PGBD1: variants seen among roughly 807,000 people sequenced by gnomAD.
PGBD1 encodes the protein piggyBac transposable element-derived protein 1.
In PGBD1, 25 loss-of-function variants were observed where a neutral mutation model predicts 34.7. The ratio of observed to expected loss-of-function variants is 0.72; its 90% confidence interval spans 0.52 to 1.00. The LOEUF (loss-of-function observed/expected upper bound fraction) is 1.00. Among genes scored for constraint, PGBD1 ranks in the 50% least tolerant of loss-of-function variants. The pLI, the probability that PGBD1 is intolerant of heterozygous loss-of-function variation, is 0.00. For synonymous variants in PGBD1, 292 were observed against 335.7 expected (o/e 0.87, Z 1.42); for missense variants, 830 against 959.4 (o/e 0.87, Z 1.78).
At chr6:28,284,292 A>C in intron 2 of PGBD1, 83 bp downstream of exon 2, 1 of 1,364,670 alleles carries the variant, frequency 7.3e-7, no homozygotes, top group Non-Finnish European at 9.7e-7. Flanking sequence ...ATTTTGAAAT[A>C]ACTCCTAATT....
rs1395975183 is a variant in PGBD1, at chr6:28,301,349, G to C, written c.1495G>C (p.Glu499Gln). 6.2e-7 allele frequency: 1 copy of C among 1,614,082 alleles called. No homozygotes were observed. The highest frequency in any genetic ancestry group is 1.7e-5 in the Admixed American group (1 of 60,024). ...VRDAIRRDRF[E>Q]LIFSNLHFAD... is the part of the protein sequence containing the mutation. The stretch of plus-strand genomic sequence containing the variant: ...AGATGCAATCAGAAGGGACAGATTT[G>C]AATTGATTTTCTCAAACCTGCACTT... Residue 499 changes from glutamate to glutamine, a missense_variant, in exon 7 of 7, where the codon GAA (glutamate) becomes CAA (glutamine). Glu to Gln is a conservative substitution (Grantham distance 29, BLOSUM62 2). Around this residue, in one of 3 missense-constraint regions of PGBD1, gnomAD observed 372 missense variants for 427.9 expected, o/e 0.87. Transcript: ENST00000682144.
Position 28,283,894 on chromosome 6 carries a change from G to C in PGBD1, c.81G>C (p.Glu27Asp), listed in dbSNP as rs538096910. ...TGAAGGAGGAAGATCCCACCTGGGA[G>C]CAGGTGTGCAACTCACAGGAGGGCA... ...VKVKEEDPTW[E>D]QVCNSQEGSS... Residue 27 changes from glutamate (E) to aspartate (D), a missense_variant, in exon 2 of 7, where the codon GAG becomes GAC. This residue lies in a region of PGBD1 where 457 missense variants were observed against 515.4 expected (regional missense o/e 0.89). Coordinates refer to ENST00000682144, the MANE Select transcript of PGBD1 (RefSeq NM_032507.4). 6.2e-7 allele frequency: 1 copy of C among 1,613,872 alleles called. No homozygotes were observed. Among genetic ancestry groups the C allele is most frequent in the South Asian group, 1.1e-5 (1 of 91,088 alleles).
intron 5 of PGBD1, among the ~76,000 whole-genome samples, 161 bp downstream of exon 5, chr6:28,297,106 C>G (rs972861917): frequency 6.6e-6 from 1 of 152,230 alleles, no homozygotes; most frequent in Non-Finnish European, 1.5e-5. Flanking sequence ...CACTTTGCAT[C>G]CTTCCCAATC....
chr6:28,286,650 G>GTC (rs1185225755), intron 3 of PGBD1, among the ~76,000 whole-genome samples: 2 of 151,840 alleles, frequency 1.3e-5, no homozygotes, highest in South Asian at 2.1e-4. Flanking sequence ...TTATTTTCCT[G>GTC]TCTCTCTCTC....
rs1165922944 is a variant in PGBD1, at chr6:28,300,510, C to T, written c.870-214C>T. Among the ~76,000 whole-genome samples, 1 of 152,154 alleles carries T rather than the reference C, an allele frequency of 6.6e-6. No individual in the cohort carries two copies. Among genetic ancestry groups the T allele is most frequent in the African/African-American group, 2.4e-5 (1 of 41,426 alleles). ...ACTCAGTTATTTCTCCCAGGCTCAA[C>T]AGTTAGTTCCATCCTGAGGAGTGAG... is the stretch of plus-strand genomic sequence containing the variant. On this transcript the variant is annotated intron_variant, in intron 6 of 6. Transcript: ENST00000682144. This position sits in a 1 kb window ranked among gnomAD's most constrained non-coding sequence, Gnocchi z 4.0.
intron 4 of PGBD1, among the ~76,000 whole-genome samples, chr6:28,291,703 A>G (rs1332451289): frequency 2.0e-5 from 3 of 152,214 alleles, no homozygotes; most frequent in South Asian, 2.1e-4. Flanking sequence ...AAAATTCTCA[A>G]TGAAACACTA....
At chr6:28,292,838 A>G (rs1386879523) in intron 4 of PGBD1, among the ~76,000 whole-genome samples, 1 of 152,260 alleles carries the variant, frequency 6.6e-6, no homozygotes, top group Non-Finnish European at 1.5e-5. Context: ...AAAGATTTGT[A>G]TAACACATCT....
chr6:28,293,845 A>C (rs1445668689), intron 4 of PGBD1, among the ~76,000 whole-genome samples: 3 of 152,198 alleles, frequency 2.0e-5, no homozygotes, highest in Non-Finnish European at 4.4e-5. Flanking sequence ...CTGAGACACA[A>C]TAATATTGAA....
At chr6:28,296,985 C>A (rs747548029) in intron 5 of PGBD1, 40 bp downstream of exon 5, 2 of 1,610,576 alleles carry the variant, frequency 1.2e-6, no homozygotes, top group African/African-American at 1.3e-5. Context: ...TCTGGACTCT[C>A]ATTTTCCTGT....
rs367832979 is a variant in PGBD1, at chr6:28,301,366, C to A, written c.1512C>A (p.Asn504Lys). Reference sequence around the variant, plus strand: ...ACAGATTTGAATTGATTTTCTCAAACCTGCACTTTGCAGATAATGGCCACC... The same window carrying A: ...ACAGATTTGAATTGATTTTCTCAAAACTGCACTTTGCAGATAATGGCCACC... ...RRDRFELIFS[N>K]LHFADNGHLD... Residue 504 changes from asparagine to lysine, a missense_variant, in exon 7 of 7, where the codon AAC becomes AAA. Around this residue, in one of 3 missense-constraint regions of PGBD1, gnomAD observed 372 missense variants for 427.9 expected, o/e 0.87. Transcript: ENST00000682144. 6.2e-7 allele frequency: 1 copy of A among 1,613,992 alleles called. No individual in the cohort carries two copies. Among genetic ancestry groups the A allele is most frequent in the Non-Finnish European group, 8.5e-7 (1 of 1,180,014 alleles).
At position 28,301,021 on chromosome 6, in the gene PGBD1, T is replaced by C; in HGVS notation, c.1167T>C (p.Ser389=). 6.2e-7 allele frequency: 1 copy of C among 1,614,014 alleles called. No individual in the cohort carries two copies. Among genetic ancestry groups the C allele is most frequent in the Non-Finnish European group, 8.5e-7 (1 of 1,180,004 alleles). The change falls in exon 7 of 7, where the codon AGT becomes AGC. Residue 389 remains serine (S), a synonymous_variant. Coordinates refer to ENST00000682144, the MANE Select transcript of PGBD1 (RefSeq NM_032507.4). The stretch of plus-strand genomic sequence containing the variant: ...AGGTATCATGTTTCCCAGAAAAGAG[T>C]TGGACCAAAAGAGACATTAAACCCA... ...KLKVSCFPEK[S]WTKRDIKPNF... is the part of the protein sequence containing the mutation.
chr6:28,300,902 G>A lies in PGBD1; in HGVS notation c.1048G>A (p.Val350Met), dbSNP rs766777398. The change falls in exon 7 of 7, where the codon GTG (valine) becomes ATG (methionine). Residue 350 changes from valine (V) to methionine (M), a missense_variant. Coordinates refer to ENST00000682144, the MANE Select transcript of PGBD1 (RefSeq NM_032507.4). This position sits in a 1 kb window ranked among gnomAD's most constrained non-coding sequence, Gnocchi z 4.0. ...RKGRKKDKAR[V>M]SELLQGLSFS... ...AGGGAGAAAAAAAGACAAAGCTCGA[G>A]TGAGTGAACTGCTCCAAGGCCTCTC... The A allele has an allele frequency of 9.3e-6, 15 of 1,614,138 alleles. No homozygotes were observed. Among genetic ancestry groups the A allele is most frequent in the Admixed American group, 1.7e-5 (1 of 60,010 alleles).
intron 6 of PGBD1, among the ~76,000 whole-genome samples, chr6:28,299,663 T>TA (rs1762762305): frequency 6.6e-6 from 1 of 152,186 alleles, no homozygotes; most frequent in Admixed American, 6.5e-5. Flanking sequence ...AACAGAACAC[T>TA]AATAAATTAA....
chr6:28,292,574 T>C (rs929599271), intron 4 of PGBD1, among the ~76,000 whole-genome samples: 3 of 152,130 alleles, frequency 2.0e-5, no homozygotes, highest in African/African-American at 4.8e-5. Flanking sequence ...TCTAATGGAT[T>C]GGAAGAATTT....
chr6:28,283,138 G>A (rs1031492229), intron 1 of PGBD1, among the ~76,000 whole-genome samples: 5 of 152,162 alleles, frequency 3.3e-5, no homozygotes, highest in Admixed American at 3.3e-4. Context: ...TCATCCACAT[G>A]ACCTCTGTAT....
chr6:28,297,238 G>C (rs1294333361), intron 5 of PGBD1, among the ~76,000 whole-genome samples: 3 of 151,726 alleles, frequency 2.0e-5, no homozygotes, highest in Non-Finnish European at 4.4e-5. Flanking sequence ...TTTCTTCCCT[G>C]TCAAGGATTC....
Position 28,300,593 on chromosome 6 carries a change from C to T in PGBD1, c.870-131C>T. 1 of 1,077,024 alleles carries T rather than the reference C, an allele frequency of 9.3e-7. No individual in the cohort carries two copies. Among genetic ancestry groups the T allele is most frequent in the Non-Finnish European group, 1.3e-6 (1 of 771,844 alleles). The allele number at this position is 1,077,024 out of a possible 1,614,324, so 66.7% of individuals were successfully genotyped here. On this transcript the variant is annotated intron_variant, in intron 6 of 6. Coordinates refer to ENST00000682144, the MANE Select transcript of PGBD1 (RefSeq NM_032507.4). The surrounding 1 kb of genome is among the most constrained non-coding windows in gnomAD (Gnocchi z 4.0). ...CTAGCCAAAGTCCTCCCCATGGAAA[C>T]TTAAGAGAAATAAGTAAGTATCCCC...
chr6:28,285,463 C>CTGTA, intron 2 of PGBD1, 88 bp from the exon 3 acceptor site: 33 of 1,360,692 alleles, frequency 2.4e-5, no homozygotes, highest in Non-Finnish European at 3.3e-5. Context: ...TTGTTTGCTG[C>CTGTA]TGTATCCCCA....
In PGBD1 at chr6:28,287,142, C is replaced by T. The variant is rs774890513; in HGVS notation, c.616C>T (p.Pro206Ser). Reference sequence around the variant, plus strand: ...AAACCCCAGAGACAAGGCTGTAGTGCCTGTGTTTAACCCAGTCAGGTCCCA... The same window carrying T: ...AAACCCCAGAGACAAGGCTGTAGTGTCTGTGTTTAACCCAGTCAGGTCCCA... ...EKNPRDKAVV[P>S]VFNPVRSQTL... The change falls in exon 4 of 7, where the codon CCT (proline) becomes TCT (serine). Residue 206 changes from proline to serine, a missense_variant. Around this residue, in one of 3 missense-constraint regions of PGBD1, gnomAD observed 457 missense variants for 515.4 expected, o/e 0.89. Transcript: ENST00000682144. The T allele has an allele frequency of 1.8e-5, 29 of 1,613,846 alleles. 1 individual carries two copies. Among genetic ancestry groups the T allele is most frequent in the Non-Finnish European group, 2.4e-5 (28 of 1,179,884 alleles).
Sources: allele counts gnomAD v4.1 joint callset (sites outside exome capture counted in the v4.1 genomes callset), GRCh38; gene constraint gnomAD v4.1.1; regional missense constraint gnomAD v4.1.1; non-coding constraint Gnocchi (gnomAD v3.1); transcripts MANE v1.5; gene names NCBI Gene and HGNC (gene_info 2026-07-23, HGNC 2026-07-21).